The following BUB1 variants were observed in gnomAD, a reference collection of about 807,000 sequenced individuals.
The protein encoded by BUB1 is BUB1 mitotic checkpoint serine/threonine kinase, also known as mitotic checkpoint serine/threonine-protein kinase BUB1.
Under a neutral mutation model 135.2 loss-of-function variants are expected in BUB1, and 84 were observed. That is an observed-to-expected ratio of 0.62 (90% CI 0.52 to 0.74). BUB1 has a LOEUF of 0.74. BUB1 is among the 30% of genes least tolerant of loss of function. The pLI is 0.00. For missense variants in BUB1, 1,162 were observed against 1,288.3 expected (o/e 0.90, Z 1.50); for synonymous variants, 403 against 434.4 (o/e 0.93, Z 0.90).
chr2:110,677,426 A>T (rs2104566660), intron 1 of BUB1, among the ~76,000 whole-genome samples: 1 of 152,356 alleles, frequency 6.6e-6, no homozygotes, highest in South Asian at 2.1e-4. Flanking sequence ...AACTTTAAGT[A>T]AAAAGTGAGT....
intron 6 of BUB1, 49 bp from the exon 7 acceptor site, chr2:110,667,898 C>T: frequency 6.4e-7 from 1 of 1,574,286 alleles, no homozygotes; most frequent in Non-Finnish European, 8.7e-7. Context: ...GAGAAGAAAG[C>T]TTCACCCAAA....
chr2:110,643,951 C>T (rs1689571191), intron 19 of BUB1, among the ~76,000 whole-genome samples: 1 of 142,706 alleles, frequency 7.0e-6, no homozygotes, highest in African/African-American at 2.6e-5. Context: ...CCCACTGTAA[C>T]AGAAATAAAG....
intron 9 of BUB1, among the ~76,000 whole-genome samples, chr2:110,664,679 A>G (rs1005394991): frequency 7.2e-5 from 11 of 151,930 alleles, no homozygotes; most frequent in African/African-American, 2.7e-4. Flanking sequence ...TACCACAGGA[A>G]AGGAGCCAGG....
chr2:110,667,657 T>TG lies in BUB1; in HGVS notation c.668dup (p.Ser224IlefsTer7). The TG allele has an allele frequency of 1.2e-6, 2 of 1,614,006 alleles. No homozygotes were observed. The highest frequency in any genetic ancestry group is 1.7e-6 in the Non-Finnish European group (2 of 1,179,980). On this transcript the variant is annotated frameshift_variant, in exon 8 of 25. Coordinates refer to ENST00000302759, the MANE Select transcript of BUB1 (RefSeq NM_004336.5). LOFTEE classifies it high-confidence loss of function. ...CAACATCAACTTTGGATGCCAAAGATGAGTGCACAGAATATTCTGATTTAG... is the reference window on the plus strand; with the variant it reads ...CAACATCAACTTTGGATGCCAAAGATGGAGTGCACAGAATATTCTGATTTAG...
chr2:110,647,927 G>C (rs975208035), intron 19 of BUB1, among the ~76,000 whole-genome samples: 1 of 152,178 alleles, frequency 6.6e-6, no homozygotes, highest in African/African-American at 2.4e-5. Context: ...CTGGGGAACA[G>C]GAATTCTTAT....
In BUB1 at chr2:110,653,391, A is replaced by G. The variant is rs372624517; in HGVS notation, c.1964+45T>C. The G allele has an allele frequency of 5.6e-4, 867 of 1,561,934 alleles. 5 individuals are homozygous for G. The South Asian group carries it at 7.0e-3, about 13-fold the overall frequency. On this transcript the variant is annotated intron_variant, in intron 17 of 24. Coordinates refer to ENST00000302759, the MANE Select transcript of BUB1 (RefSeq NM_004336.5). Reference sequence around the variant, plus strand: ...AATGAAAATGGTAAACAATGTTAGAATGAAAATGAAGAGAATGGCAGAACC... The same window carrying G: ...AATGAAAATGGTAAACAATGTTAGAGTGAAAATGAAGAGAATGGCAGAACC...
Position 110,641,418 on chromosome 2 carries a change from T to C in BUB1, c.2672A>G (p.Gln891Arg), listed in dbSNP as rs750948432. Residue 891 changes from glutamine (Q) to arginine (R), a missense_variant, in exon 22 of 25, where the codon CAA (glutamine) becomes CGA (arginine). Gln to Arg is a conservative substitution (Grantham distance 43). Transcript: ENST00000302759. ...YKNTPEKVMP[Q>R]GLVISFAMRM... The stretch of plus-strand genomic sequence containing the variant: ...CATAGCAAAAGAGATGACAAGACCT[T>C]GAGGCATCACTTTTTCAGGGGTATT... The C allele has an allele frequency of 6.2e-7, 1 of 1,613,960 alleles. No individual in the cohort carries two copies. Among genetic ancestry groups the C allele is most frequent in the South Asian group, 1.1e-5 (1 of 91,016 alleles).
intron 15 of BUB1, 102 bp downstream of exon 15, chr2:110,656,934 A>G (rs1399997319): frequency 2.8e-6 from 2 of 707,162 alleles, no homozygotes; most frequent in South Asian, 3.0e-5. Context: ...AGTTTTTAGC[A>G]TAGTTTCACA....
At chr2:110,654,598 T>G (rs928770320) in intron 16 of BUB1, among the ~76,000 whole-genome samples, 1 of 151,942 alleles carries the variant, frequency 6.6e-6, no homozygotes, top group Non-Finnish European at 1.5e-5. Flanking sequence ...TTTAGACTCA[T>G]TAAACTACTT....
chr2:110,639,058 A>G (rs1689431603), intron 24 of BUB1, among the ~76,000 whole-genome samples: 1 of 152,078 alleles, frequency 6.6e-6, no homozygotes. Flanking sequence ...ACTTTTCTGC[A>G]TGTTTTTATG....
intron 18 of BUB1, 132 bp downstream of exon 18, chr2:110,650,414 G>T: frequency 1.3e-6 from 1 of 770,064 alleles, no homozygotes; most frequent in Non-Finnish European, 2.1e-6. Flanking sequence ...CATTATGCAA[G>T]TTTCATCTGA....
At chr2:110,657,730 AG>A (rs2104536967) in intron 13 of BUB1, 85 bp from the exon 14 acceptor site, 1 of 927,056 alleles carries the variant, frequency 1.1e-6, no homozygotes, top group East Asian at 2.8e-5. Context: ...AATAAGAAAA[AG>A]GACTAACAGC....
intron 6 of BUB1, 133 bp from the exon 7 acceptor site, chr2:110,667,982 A>G: frequency 1.4e-6 from 1 of 727,864 alleles, no homozygotes; most frequent in Admixed American, 2.9e-5. Flanking sequence ...ATGTAATTTT[A>G]AATTATGATT....
rs561349655 is a variant in BUB1, at chr2:110,666,340, C to T, written c.880G>A (p.Asp294Asn). The T allele has an allele frequency of 2.9e-5, 44 of 1,534,562 alleles. 1 individual carries two copies. In the East Asian group the frequency reaches 8.8e-4, roughly 31 times the overall value. The change falls in exon 9 of 25, where the codon GAT becomes AAT. Residue 294 changes from aspartate to asparagine, a missense_variant. Physicochemically the swap from Asp to Asn is conservative, Grantham distance 23 (BLOSUM62 1). Coordinates refer to ENST00000302759, the MANE Select transcript of BUB1 (RefSeq NM_004336.5). Reference protein sequence around the residue: ...FEEQLLKQKMDELHKKLHQVV... With the variant: ...FEEQLLKQKMNELHKKLHQVV... Reference sequence around the variant, plus strand: ...TGATGCAACTTCTTATGAAGTTCATCCATTTTCTGTTTTAATAGCTGTTCT... The same window carrying T: ...TGATGCAACTTCTTATGAAGTTCATTCATTTTCTGTTTTAATAGCTGTTCT...
intron 19 of BUB1, among the ~76,000 whole-genome samples, chr2:110,643,648 T>C (rs906852083): frequency 6.6e-6 from 1 of 152,140 alleles, no homozygotes; most frequent in African/African-American, 2.4e-5. Context: ...TTTTGTTGTT[T>C]GTGTTTTTAG....
chr2:110,673,818 C>T (rs1483484717), intron 3 of BUB1, among the ~76,000 whole-genome samples: 1 of 152,102 alleles, frequency 6.6e-6, no homozygotes, highest in African/African-American at 2.4e-5. Context: ...AGGCTGGTCT[C>T]GAACTCCTGA....
At chr2:110,641,508 T>C (rs2104514754) in intron 21 of BUB1, 44 bp from the exon 22 acceptor site, 2 of 1,570,900 alleles carry the variant, frequency 1.3e-6, no homozygotes, top group Non-Finnish European at 1.7e-6. Flanking sequence ...TTGCACAAGA[T>C]TAATAAAATT....
At chr2:110,642,067 A>G in intron 20 of BUB1, 52 bp downstream of exon 20, 1 of 1,367,772 alleles carries the variant, frequency 7.3e-7, no homozygotes, top group Non-Finnish European at 1.0e-6. Context: ...TGGCAAACTC[A>G]AGTTCTAAAA....
In BUB1 at chr2:110,663,987, C is replaced by T. The variant is rs570560985; in HGVS notation, c.958-2146G>A. On this transcript the variant is annotated intron_variant, in intron 9 of 24. Transcript: ENST00000302759. ...GAGCTTGCAGTGAGTTGAGACCATGCCACTGCCCTCCAGCCTGGGAGACAG... is the reference window on the plus strand; with the variant it reads ...GAGCTTGCAGTGAGTTGAGACCATGTCACTGCCCTCCAGCCTGGGAGACAG... 6.0e-5 allele frequency among the ~76,000 whole-genome samples: 9 copies of T among 149,764 alleles called. No individual in the cohort carries two copies. The South Asian group carries it at 1.7e-3, about 28-fold the overall frequency.
Sources: allele counts gnomAD v4.1 joint callset (sites outside exome capture counted in the v4.1 genomes callset), GRCh38; gene constraint gnomAD v4.1.1; transcripts MANE v1.5; gene names NCBI Gene and HGNC (gene_info 2026-07-23, HGNC 2026-07-21).